Variants in MYOF observed in about 807,000 individuals in gnomAD.
The protein encoded by MYOF is myoferlin, also known as fer-1-like 3, myoferlin.
Under a neutral mutation model 284.2 loss-of-function variants are expected in MYOF, and 244 were observed. The observed-to-expected ratio is 0.86, with a 90% confidence interval of 0.77 to 0.95. The LOEUF is 0.95. MYOF is among the 40% of genes least tolerant of loss of function. The pLI is 0.00. For synonymous variants in MYOF, 904 were observed against 919.7 expected (o/e 0.98, Z 0.31); for missense variants, 2,496 against 2,560.6 (o/e 0.97, Z 0.54).
intron 6 of MYOF, 36 bp downstream of exon 6, chr10:93,409,537 A>T (rs368842923): frequency 5.0e-6 from 8 of 1,602,834 alleles, no homozygotes; most frequent in Non-Finnish European, 6.8e-6. Flanking sequence ...CAATATAAAG[A>T]TTAAACAAAG....
intron 5 of MYOF, among the ~76,000 whole-genome samples, chr10:93,411,845 G>A (rs372831410): frequency 2.4e-4 from 37 of 152,288 alleles, no homozygotes; most frequent in African/African-American, 8.9e-4. Flanking sequence ...ATCTTCCACA[G>A]CCTTGGACAC....
At chr10:93,434,279 CAAATT>C (rs1849007242) in intron 3 of MYOF, among the ~76,000 whole-genome samples, 2 of 151,838 alleles carry the variant, frequency 1.3e-5, no homozygotes, top group South Asian at 4.2e-4. Context: ...ACAAATACAA[CAAATT>C]AGCCAGGTGT....
Position 93,333,765 on chromosome 10 carries a change from T to C in MYOF, c.4712A>G (p.Asn1571Ser), listed in dbSNP as rs760008365. ...CCACACCCAAACTCTTACCAGGCCA[T>C]TGTTGTCCTGGGGCTGGAGCTCTAA... ...RGLELQPQDN[N>S]GLCDPYIKIT... The change falls in exon 42 of 54, where the codon AAT becomes AGT. Residue 1571 changes from asparagine to serine, a missense_variant. By Grantham distance (46) the Asn-to-Ser change is conservative. Transcript: ENST00000359263. 8.1e-6 allele frequency: 13 copies of C among 1,614,066 alleles called. No individual in the cohort carries two copies. Among genetic ancestry groups the C allele is most frequent in the Non-Finnish European group, 1.1e-5 (13 of 1,179,952 alleles).
chr10:93,460,422 C>G (rs151078709), intron 1 of MYOF, among the ~76,000 whole-genome samples: 1 of 152,298 alleles, frequency 6.6e-6, no homozygotes, highest in South Asian at 2.1e-4. Flanking sequence ...CCACTGTGTG[C>G]CAGTAACAGG....
chr10:93,360,426 G>A (rs978860070), intron 28 of MYOF, among the ~76,000 whole-genome samples: 1 of 152,190 alleles, frequency 6.6e-6, no homozygotes, highest in Non-Finnish European at 1.5e-5. Flanking sequence ...GGGATTATAG[G>A]GTTACAGTAT....
intron 26 of MYOF, among the ~76,000 whole-genome samples, chr10:93,365,005 CT>C (rs1845263049): frequency 6.6e-6 from 1 of 152,180 alleles, no homozygotes; most frequent in African/African-American, 2.4e-5. Flanking sequence ...CACAATTTCC[CT>C]ACCCTTTCCC....
At chr10:93,454,137 G>A (rs1287467451) in intron 2 of MYOF, among the ~76,000 whole-genome samples, 1 of 152,008 alleles carries the variant, frequency 6.6e-6, no homozygotes, top group Non-Finnish European at 1.5e-5. Context: ...AGCCGAGATC[G>A]CACCATTGCA....
Position 93,396,146 on chromosome 10 carries a change from C to T in MYOF, c.1413G>A (p.Val471=). The change falls in exon 16 of 54, where the codon GTG becomes GTA. Residue 471 remains valine (V), a synonymous_variant. Coordinates refer to ENST00000359263, the MANE Select transcript of MYOF (RefSeq NM_013451.4). The stretch of plus-strand genomic sequence containing the variant: ...TAGATCTGTTGAGTGACTTACCTTC[C>T]ACTTCCCCACCAGAGGCAGCAATTT... ...LSKIAASGGE[V]EDFSSSGTGA... is the part of the protein sequence containing the mutation. 1 of 1,606,612 alleles carries T rather than the reference C, an allele frequency of 6.2e-7. No individual in the cohort carries two copies. The highest frequency in any genetic ancestry group is 8.5e-7 in the Non-Finnish European group (1 of 1,175,378).
rs936097635 is a variant in MYOF, at chr10:93,454,986, TTAAAAAAAA to T, written c.144+1887_144+1895del. On this transcript the variant is annotated intron_variant, in intron 2 of 53. Coordinates refer to ENST00000359263, the MANE Select transcript of MYOF (RefSeq NM_013451.4). ...AGAGCGAGACCCTGTCTTTTTTTAA[TTAAAAAAAA>T]AAAAAAAAAAAAAAAAAAGGCCAGC... is the stretch of plus-strand genomic sequence containing the variant. Among the ~76,000 whole-genome samples, 69 of 84,566 alleles carry T rather than the reference TTAAAAAAAA, an allele frequency of 8.2e-4. No homozygotes were observed. The East Asian group carries it at 0.019, about 24-fold the overall frequency. 55.5% of individuals were successfully genotyped at this position (84,566 alleles called of 152,430 possible). A position where few individuals can be genotyped will look rare whatever the true frequency, so the allele number is the denominator to read the frequency against.
intron 12 of MYOF, among the ~76,000 whole-genome samples, chr10:93,401,028 A>ATT (rs199873918): frequency 2.0e-5 from 3 of 148,624 alleles, no homozygotes; most frequent in Non-Finnish European, 3.0e-5. Flanking sequence ...AATTTCTGCT[A>ATT]TTTTTTTTTT....
intron 5 of MYOF, among the ~76,000 whole-genome samples, chr10:93,414,988 C>T (rs1304894507): frequency 1.3e-5 from 2 of 152,120 alleles, no homozygotes; most frequent in Non-Finnish European, 2.9e-5. Context: ...AAGTGATCCA[C>T]CCTCCTCGGC....
chr10:93,389,008 C>T (rs752296919), intron 18 of MYOF, 22 bp downstream of exon 18: 3 of 1,607,894 alleles, frequency 1.9e-6, no homozygotes, highest in East Asian at 2.2e-5. Flanking sequence ...TGATTAATAA[C>T]CACCTTAATT....
intron 5 of MYOF, among the ~76,000 whole-genome samples, chr10:93,419,867 C>T (rs1028169803): frequency 9.2e-5 from 14 of 152,190 alleles, no homozygotes; most frequent in Admixed American, 7.2e-4. Context: ...CATGGTGGCT[C>T]ATGCCTGTAA....
At chr10:93,439,048 G>C (rs2056165237) in intron 3 of MYOF, among the ~76,000 whole-genome samples, 1 of 152,130 alleles carries the variant, frequency 6.6e-6, no homozygotes, top group African/African-American at 2.4e-5. Flanking sequence ...CTCACTCCAC[G>C]CCCTGGTTTT....
intron 30 of MYOF, among the ~76,000 whole-genome samples, chr10:93,356,166 A>G (rs1844794114): frequency 6.6e-6 from 1 of 152,066 alleles, no homozygotes; most frequent in African/African-American, 2.4e-5. Context: ...TAGATCACCC[A>G]CTGCCATTCT....
At chr10:93,455,320 A>G (rs1182660394) in intron 2 of MYOF, among the ~76,000 whole-genome samples, 6 of 151,288 alleles carry the variant, frequency 4.0e-5, no homozygotes, top group Non-Finnish European at 8.9e-5. Context: ...AAAACAAAAA[A>G]AGAACAAAAA....
At position 93,310,731 on chromosome 10, in the gene MYOF, A is replaced by G. The variant is rs1217732242; in HGVS notation, c.5890-88T>C. 4.9e-6 allele frequency: 6 copies of G among 1,223,486 alleles called. No individual in the cohort carries two copies. In the African/African-American group the frequency reaches 7.6e-5, roughly 15 times the overall value. The allele number at this position is 1,223,486 out of a possible 1,614,324, so 75.8% of individuals were successfully genotyped here. A position where few individuals can be genotyped will look rare whatever the true frequency, so the allele number is the denominator to read the frequency against. On this transcript the variant is annotated intron_variant, in intron 51 of 53. Transcript: ENST00000359263. ...CCCAAGGAGTATTCCCCGAGCAATG[A>G]TTTTTATTCTTGTAAAACAATCCTT...
At chr10:93,374,526 C>T in intron 23 of MYOF, among the ~76,000 whole-genome samples, 1 of 152,180 alleles carries the variant, frequency 6.6e-6, no homozygotes, top group East Asian at 1.9e-4. Context: ...AATGATTTGT[C>T]CACTTTTGAA....
intron 5 of MYOF, among the ~76,000 whole-genome samples, chr10:93,411,753 A>G (rs986499277): frequency 6.6e-6 from 1 of 152,194 alleles, no homozygotes; most frequent in Non-Finnish European, 1.5e-5. Context: ...TGCTTCGCCC[A>G]TCCTAGCCTG....
Sources: gnomAD v4.1 joint callset for allele counts (sites outside exome capture counted in the v4.1 genomes callset) on GRCh38, gnomAD v4.1.1 for gene constraint, MANE v1.5 for transcripts, NCBI Gene and HGNC (gene_info 2026-07-23, HGNC 2026-07-21) for gene names.